MORN2: variants seen among roughly 807,000 people sequenced by gnomAD.
The protein encoded by MORN2 is MORN repeat-containing protein 2.
MORN2 carries 15 observed loss-of-function variants against 13.4 expected under a neutral mutation model. That is an observed-to-expected ratio of 1.12 (90% CI 0.75 to 1.72). The LOEUF (loss-of-function observed/expected upper bound fraction) is 1.72, where lower values mean the gene tolerates loss of function less well. MORN2 is among the 40% of genes most tolerant of loss of function. The pLI is 0.00. For synonymous variants in MORN2, 46 were observed against 43.6 expected, an observed-to-expected ratio of 1.06 and a Z score of -0.22; for missense variants, 168 against 134.6, an observed-to-expected ratio of 1.25 and a Z score of -1.23.
At chr2:38,877,315 AAAAT>A (rs1665665778) in intron 1 of MORN2, among the ~76,000 whole-genome samples, 1 of 151,836 alleles carries the variant, frequency 6.6e-6, no homozygotes, top group Non-Finnish European at 1.5e-5. Context: ...ATTAAATTAA[AAAAT>A]AAAAAAGAAA....
At chr2:38,880,573 A>C in intron 2 of MORN2, 27 bp from the exon 3 acceptor site, 2 of 1,430,122 alleles carry the variant, frequency 1.4e-6, no homozygotes, top group South Asian at 2.8e-5. Context: ...TCTCATTTAT[A>C]ATCTTCAGTT....
chr2:38,879,441 A>G (rs1665727942), intron 1 of MORN2, among the ~76,000 whole-genome samples: 1 of 152,256 alleles, frequency 6.6e-6, no homozygotes, highest in Non-Finnish European at 1.5e-5. Context: ...ACATATTTAT[A>G]CAATATACTT....
At chr2:38,879,680 G>T (rs1440476669) in intron 1 of MORN2, among the ~76,000 whole-genome samples, 2 of 152,238 alleles carry the variant, frequency 1.3e-5, no homozygotes, top group East Asian at 3.9e-4. Flanking sequence ...AACTGCTAAT[G>T]TGTACAGAGT....
intron 4 of MORN2, 70 bp downstream of exon 4, chr2:38,881,648 T>C (rs1287844450): frequency 8.0e-6 from 8 of 996,088 alleles, no homozygotes; most frequent in Non-Finnish European, 1.1e-5. Flanking sequence ...GCTTAAATAC[T>C]TATTTATTTA....
chr2:38,877,899 C>T (rs754313568), intron 1 of MORN2, among the ~76,000 whole-genome samples: 4 of 151,994 alleles, frequency 2.6e-5, no homozygotes, highest in African/African-American at 7.3e-5. Flanking sequence ...TGGGCTCAAG[C>T]GATCCTCCCA....
At chr2:38,882,015 G>C (rs1231429322) in intron 4 of MORN2, among the ~76,000 whole-genome samples, 1 of 152,176 alleles carries the variant, frequency 6.6e-6, no homozygotes, top group African/African-American at 2.4e-5. Flanking sequence ...AAAATTGTTG[G>C]AGGCCAGGTG....
At chr2:38,877,528 T>A (rs1007518585) in intron 1 of MORN2, among the ~76,000 whole-genome samples, 1 of 152,084 alleles carries the variant, frequency 6.6e-6, no homozygotes, top group Non-Finnish European at 1.5e-5. Flanking sequence ...TGTTAATTAG[T>A]GTCTATATTT....
At chr2:38,881,071 C>A (rs944701022) in intron 3 of MORN2, among the ~76,000 whole-genome samples, 9 of 152,048 alleles carry the variant, frequency 5.9e-5, no homozygotes, top group African/African-American at 1.7e-4. Context: ...GAAAGTATAC[C>A]CTGGTCTGCT....
At chr2:38,878,872 T>A (rs1016538305) in intron 1 of MORN2, among the ~76,000 whole-genome samples, 18 of 152,170 alleles carry the variant, frequency 1.2e-4, no homozygotes, top group African/African-American at 4.3e-4. Context: ...ATTTTTAAAT[T>A]CCCTTGCCCC....
At chr2:38,877,387 A>C (rs1184316207) in intron 1 of MORN2, among the ~76,000 whole-genome samples, 1 of 152,152 alleles carries the variant, frequency 6.6e-6, no homozygotes, top group African/African-American at 2.4e-5. Context: ...ACATGTAAAT[A>C]ACTAATTAAT....
At chr2:38,882,190 ATTGT>A (rs1665789911) in intron 4 of MORN2, among the ~76,000 whole-genome samples, 1 of 141,026 alleles carries the variant, frequency 7.1e-6, no homozygotes, top group South Asian at 2.2e-4. Context: ...ACACCAAATA[ATTGT>A]TTGTTTTTGT....
chr2:38,880,065 G>A (rs893770990), intron 1 of MORN2, 114 bp from the exon 2 acceptor site: 6 of 380,068 alleles, frequency 1.6e-5, no homozygotes, highest in Admixed American at 1.4e-4. Context: ...AGGCTGAGGC[G>A]GGAGGATCGC....
chr2:38,882,073 T>G (rs1488915644), intron 4 of MORN2, among the ~76,000 whole-genome samples: 1 of 152,238 alleles, frequency 6.6e-6, no homozygotes, highest in Non-Finnish European at 1.5e-5. Context: ...AAATATTTGT[T>G]GAATAAGTGA....
At chr2:38,880,808 C>A in intron 3 of MORN2, 102 bp downstream of exon 3, 1 of 1,213,682 alleles carries the variant, frequency 8.2e-7, no homozygotes. Context: ...AATGAGTAGA[C>A]TATATAATAA....
At position 38,881,532 on chromosome 2, in the gene MORN2, A is replaced by T. The variant is rs1436323200; in HGVS notation, c.307A>T (p.Thr103Ser). 1 of 1,541,682 alleles carries T rather than the reference A, an allele frequency of 6.5e-7. No homozygotes were observed. Among genetic ancestry groups the T allele is most frequent in the Admixed American group, 2.0e-5 (1 of 49,138 alleles). ...TATGTTTCATGGACTGGGGACTTAC[A>T]CATTCCCAAATGGGGCAAAGTATAC... Residue 103 changes from threonine (T) to serine (S), a missense_variant, in exon 4 of 5, where the codon ACA becomes TCA. Transcript: ENST00000644631.
In MORN2 at chr2:38,880,711, T is replaced by C. The variant is rs1558416930; in HGVS notation, c.216+5T>C. The C allele has an allele frequency of 2.6e-6, 4 of 1,549,792 alleles. No homozygotes were observed. The African/African-American group carries it at 5.5e-5, about 21-fold the overall frequency. ...GGAAGCTGGAAAGATGACAAGGTAT[T>C]ATTGTTGTTTTTAATATTGGCAGTG... On this transcript the variant is annotated splice_donor_5th_base_variant and intron_variant, in intron 3 of 4. Coordinates refer to ENST00000644631, the MANE Select transcript of MORN2 (RefSeq NM_001145450.3).
intron 1 of MORN2, among the ~76,000 whole-genome samples, chr2:38,879,501 C>G (rs1234227773): frequency 6.6e-6 from 1 of 152,046 alleles, no homozygotes; most frequent in Non-Finnish European, 1.5e-5. Flanking sequence ...ATGGATGAGC[C>G]TTGGAAACAT....
At position 38,882,267 on chromosome 2, in the gene MORN2, G is replaced by A. The variant is rs1665792538; in HGVS notation, c.354-146G>A. Reference sequence around the variant, plus strand: ...TTTGTTTGTTTTTTTGGTAGGATATGAAAGCAGGATGCTGGGTTTAAAAGC... The same window carrying A: ...TTTGTTTGTTTTTTTGGTAGGATATAAAAGCAGGATGCTGGGTTTAAAAGC... On this transcript the variant is annotated intron_variant, in intron 4 of 4. Transcript: ENST00000644631. 3 of 146,294 alleles carry A rather than the reference G, an allele frequency of 2.1e-5. No individual in the cohort carries two copies. In the South Asian group the frequency reaches 7.3e-4, roughly 35 times the overall value. The allele number at this position is 146,294 out of a possible 1,614,324, so 9.1% of individuals were successfully genotyped here.
In MORN2 at chr2:38,881,210, C is replaced by A. The variant is rs1286078804; in HGVS notation, c.217-232C>A. 5.9e-5 allele frequency among the ~76,000 whole-genome samples: 9 copies of A among 152,044 alleles called. No individual in the cohort carries two copies. The East Asian group carries it at 1.7e-3, about 29-fold the overall frequency. ...ACCCCTATTTATCTTCATCATGGACCCCCTGATGTTCAAATGTCCCAGATC... is the reference window on the plus strand; with the variant it reads ...ACCCCTATTTATCTTCATCATGGACACCCTGATGTTCAAATGTCCCAGATC... On this transcript the variant is annotated intron_variant, in intron 3 of 4. Transcript: ENST00000644631.
Sources: gnomAD v4.1 joint callset for allele counts (sites outside exome capture counted in the v4.1 genomes callset) on GRCh38, gnomAD v4.1.1 for gene constraint, MANE v1.5 for transcripts, NCBI Gene and HGNC (gene_info 2026-07-23, HGNC 2026-07-21) for gene names.